The following FGF17 variants were observed in gnomAD, a reference collection of about 807,000 sequenced individuals.
The protein encoded by FGF17 is fibroblast growth factor 17.
A neutral mutation model predicts 23.5 loss-of-function variants in FGF17; 5 were observed. The ratio of observed to expected loss-of-function variants is 0.21; its 90% CI spans 0.11 to 0.45. The LOEUF is 0.45. Among genes scored for constraint, FGF17 ranks in the 20% least tolerant of loss-of-function variants. FGF17 has a pLI of 0.99. For missense variants in FGF17, 221 were observed against 306.9 expected, an observed-to-expected ratio of 0.72 and a Z score of 2.09; for synonymous variants, 136 against 123.0, an observed-to-expected ratio of 1.11 and a Z score of -0.70.
upstream of FGF17, chr8:22,042,386 T>G (rs1286219279): frequency 6.2e-6 from 1 of 161,384 alleles, no homozygotes; most frequent in East Asian, 1.8e-4. Context: ...GAATTTCCAC[T>G]CCAGAGCCAG....
chr8:22,044,618 C>A, intron 2 of FGF17: 2 of 944,124 alleles, frequency 2.1e-6, no homozygotes, highest in Non-Finnish European at 2.5e-6. Context: ...ACCCCACCCC[C>A]TGGAAGGGAG....
chr8:22,044,036 CT>C (rs1258177426), intron 2 of FGF17, among the ~76,000 whole-genome samples: 1 of 151,818 alleles, frequency 6.6e-6, no homozygotes, highest in Non-Finnish European at 1.5e-5. Flanking sequence ...TTCCCCCCCC[CT>C]TCCTTCCCCC....
upstream of FGF17, among the ~76,000 whole-genome samples, chr8:22,042,134 C>T (rs1800748899): frequency 6.6e-6 from 1 of 152,222 alleles, no homozygotes; most frequent in African/African-American, 2.4e-5. Context: ...GGGGCTTAGG[C>T]CAGGACACCC....
At chr8:22,047,204 G>C (rs1423130011) in intron 4 of FGF17, among the ~76,000 whole-genome samples, 1 of 152,142 alleles carries the variant, frequency 6.6e-6, no homozygotes, top group Non-Finnish European at 1.5e-5. Context: ...ATCAGTAAGA[G>C]CTTAGCATCT....
At chr8:22,046,312 C>G (rs776579827) in intron 3 of FGF17, 21 bp downstream of exon 3, 1 of 1,607,514 alleles carries the variant, frequency 6.2e-7, no homozygotes, top group Non-Finnish European at 8.5e-7. Flanking sequence ...GCCCTCCCCC[C>G]AGGGCACCCA....
At chr8:22,046,950 A>AGTTTTTTT (rs1800885648) in intron 4 of FGF17, among the ~76,000 whole-genome samples, 1 of 120,576 alleles carries the variant, frequency 8.3e-6, no homozygotes, top group African/African-American at 3.2e-5. Context: ...TGCCCAGCTA[A>AGTTTTTTT]TTTTTTTTTT....
Position 22,048,331 on chromosome 8 carries a change from G to A in FGF17, c.*82G>A, listed in dbSNP as rs1801007798. 5 of 1,241,716 alleles carry A rather than the reference G, an allele frequency of 4.0e-6. No homozygotes were observed. Among genetic ancestry groups the A allele is most frequent in the Non-Finnish European group, 4.4e-6 (4 of 909,720 alleles). The allele number at this position is 1,241,716 out of a possible 1,614,324, so 76.9% of individuals were successfully genotyped here. A position where few individuals can be genotyped will look rare whatever the true frequency, so the allele number is the denominator to read the frequency against. On this transcript the variant is annotated 3_prime_UTR_variant, in exon 5 of 5. Transcript: ENST00000359441. This position sits in a 1 kb window ranked among gnomAD's most constrained non-coding sequence, Gnocchi z 6.9. ...AATCCAAGGACTGGGCTGGGGTGGC[G>A]GGAGGGGAGCCAGATCCCCGAGGGA...
At chr8:22,042,176 CT>C (rs1800749508), upstream of FGF17, among the ~76,000 whole-genome samples, 1 of 152,230 alleles carries the variant, frequency 6.6e-6, no homozygotes, top group Admixed American at 6.5e-5. Flanking sequence ...CTCAGGCTAG[CT>C]TTTGCAACTC....
intron 2 of FGF17, chr8:22,045,283 G>A (rs1800840906): frequency 2.0e-6 from 2 of 985,776 alleles, no homozygotes; most frequent in South Asian, 4.6e-5. Flanking sequence ...TTACATTGTG[G>A]CTAAGGAGCT....
intron 4 of FGF17, among the ~76,000 whole-genome samples, chr8:22,046,879 C>A (rs1283511136): frequency 1.3e-5 from 2 of 151,984 alleles, no homozygotes; most frequent in African/African-American, 4.8e-5. Flanking sequence ...CTCCTGGGCT[C>A]AAGCAATCCT....
At chr8:22,045,992 A>C in intron 2 of FGF17, 122 bp from the exon 3 acceptor site, 1 of 1,582,816 alleles carries the variant, frequency 6.3e-7, no homozygotes, top group South Asian at 1.1e-5. Flanking sequence ...TGCCCACTTC[A>C]CTCTGCAGGA....
Position 22,043,111 on chromosome 8 carries a change from C to A in FGF17, c.36-34C>A, listed in dbSNP as rs771167597. ...GTGCACCCTAGGCTTGCAGCTGGCA[C>A]CCACACCTGGGCTTACCTCCTCTCC... On this transcript the variant is annotated intron_variant, in intron 1 of 4. Transcript: ENST00000359441. 8.0e-5 allele frequency: 129 copies of A among 1,612,588 alleles called. 1 individual carries two copies. The East Asian group carries it at 2.5e-3, about 31-fold the overall frequency.
At chr8:22,044,581 C>A in intron 2 of FGF17, 2 of 644,094 alleles carry the variant, frequency 3.1e-6, no homozygotes, top group Non-Finnish European at 3.9e-6. Flanking sequence ...TGAACCTGGG[C>A]CAGGAGGCGG....
intron 2 of FGF17, chr8:22,045,761 T>A: frequency 8.3e-7 from 1 of 1,201,608 alleles, no homozygotes; most frequent in Non-Finnish European, 1.0e-6. Context: ...AGGGGTTCTG[T>A]CCCTAATGAG....
chr8:22,040,654 G>A (rs912790644), upstream of FGF17, among the ~76,000 whole-genome samples: 2 of 152,238 alleles, frequency 1.3e-5, no homozygotes, highest in African/African-American at 2.4e-5. Flanking sequence ...CAGGTGCTTG[G>A]GCTCAGAGGC....
At chr8:22,042,805 C>T (rs541682269), upstream of FGF17, 19 of 910,322 alleles carry the variant, frequency 2.1e-5, 1 homozygote, top group Middle Eastern at 1.1e-3. Flanking sequence ...CTCCTCCTCG[C>T]CCCCCTGAAA....
intron 2 of FGF17, chr8:22,044,917 G>A (rs1800830283): frequency 1.0e-6 from 1 of 985,608 alleles, no homozygotes; most frequent in Non-Finnish European, 1.2e-6. Context: ...GCTGAGGTTG[G>A]GCCTGGGATA....
chr8:22,043,045 C>G lies in FGF17; in HGVS notation c.35+82C>G, dbSNP rs576012899. 7 of 1,597,892 alleles carry G rather than the reference C, an allele frequency of 4.4e-6. No homozygotes were observed. In the South Asian group the frequency reaches 6.7e-5, roughly 15 times the overall value. ...CCCTCCTCTTCCCGGGACTCCCACGCGTGCGTGCACGGGGCTGGCAGGGCG... is the reference window on the plus strand; with the variant it reads ...CCCTCCTCTTCCCGGGACTCCCACGGGTGCGTGCACGGGGCTGGCAGGGCG... On this transcript the variant is annotated intron_variant, in intron 1 of 4. Transcript: ENST00000359441.
intron 2 of FGF17, among the ~76,000 whole-genome samples, chr8:22,044,000 T>TG (rs952100502): frequency 4.7e-5 from 7 of 149,626 alleles, no homozygotes; most frequent in Admixed American, 6.6e-5. Context: ...TTTGAAGCAG[T>TG]GGGGGGGTGG....
Sources: allele counts gnomAD v4.1 joint callset (sites outside exome capture counted in the v4.1 genomes callset), GRCh38; gene constraint gnomAD v4.1.1; non-coding constraint Gnocchi (gnomAD v3.1); transcripts MANE v1.5; gene names NCBI Gene and HGNC (gene_info 2026-07-23, HGNC 2026-07-21).